Variants in GSTA5 observed in about 807,000 individuals in gnomAD.
GSTA5 encodes glutathione S-transferase A5.
GSTA5 carries 25 observed loss-of-function variants against 21.8 expected under a neutral mutation model. That is an observed-to-expected ratio of 1.14 (90% confidence interval 0.83 to 1.60). The LOEUF (loss-of-function observed/expected upper bound fraction) is 1.60. Ranked by LOEUF, GSTA5 falls within the 40% of genes most tolerant of loss-of-function variation. The pLI, the probability that GSTA5 is intolerant of heterozygous loss-of-function variation, is 0.00. For synonymous variants in GSTA5, 102 were observed against 89.5 expected, an observed-to-expected ratio of 1.14 and a Z score of -0.78; for missense variants, 330 against 259.2, an observed-to-expected ratio of 1.27 and a Z score of -1.88.
chr6:52,832,753 G>A lies in GSTA5; in HGVS notation c.546+106C>T, dbSNP rs1231224469. On this transcript the variant is annotated intron_variant, in intron 5 of 5. Coordinates refer to ENST00000370989, the Ensembl canonical transcript of GSTA5. ...TTTTGGAGACCTTGGGGGCACTGAA[G>A]GGCTGGAGAAGGGTGGGGTCAAAAC... The A allele has an allele frequency of 3.9e-6, 6 of 1,555,018 alleles. No individual in the cohort carries two copies. The African/African-American group carries it at 4.1e-5, about 11-fold the overall frequency.
upstream of GSTA5, among the ~76,000 whole-genome samples, chr6:52,841,909 T>C (rs1179595356): frequency 2.0e-5 from 3 of 152,214 alleles, no homozygotes. Context: ...AATCTTTCAG[T>C]AGATTGTGAA....
At chr6:52,844,615 T>C (rs1162193386), upstream of GSTA5, among the ~76,000 whole-genome samples, 1 of 152,218 alleles carries the variant, frequency 6.6e-6, no homozygotes, top group Non-Finnish European at 1.5e-5. Context: ...AGATAAACCA[T>C]GACTCCTCCC....
rs561920117 is a variant in GSTA5 at position 52,838,041 on chromosome 6, G to A, written c.88-432C>T. Among the ~76,000 whole-genome samples the A allele has an allele frequency of 3.3e-5, 5 of 152,326 alleles. No homozygotes were observed. The East Asian group carries it at 7.7e-4, about 24-fold the overall frequency. ...CCATCAAATATTCTGCCACCAAGGA[G>A]CCTCTGCTATAATTTATATCACCCC... On this transcript the variant is annotated intron_variant, in intron 1 of 5. Coordinates refer to ENST00000370989, the Ensembl canonical transcript of GSTA5.
At chr6:52,838,945 T>G (rs1325972111) in intron 1 of GSTA5, among the ~76,000 whole-genome samples, 1 of 152,214 alleles carries the variant, frequency 6.6e-6, no homozygotes, top group Non-Finnish European at 1.5e-5. Context: ...GTGTTTCCAG[T>G]GGCTAATTAT....
upstream of GSTA5, chr6:52,840,988 A>T: frequency 1.6e-6 from 1 of 606,852 alleles, no homozygotes; most frequent in Non-Finnish European, 2.8e-6. Flanking sequence ...TCTTGGCTCA[A>T]ATTGTTACCC....
intron 1 of GSTA5, among the ~76,000 whole-genome samples, chr6:52,839,311 A>G (rs1322481631): frequency 6.6e-6 from 1 of 152,124 alleles, no homozygotes; most frequent in Non-Finnish European, 1.5e-5. Flanking sequence ...GGTTCCTCCC[A>G]GCCTTGCCCC....
intron 5 of GSTA5, among the ~76,000 whole-genome samples, chr6:52,832,531 C>T (rs1284210032): frequency 6.6e-6 from 1 of 152,010 alleles, no homozygotes; most frequent in Non-Finnish European, 1.5e-5. Context: ...AAGACAAGGG[C>T]ACATGTGGGA....
chr6:52,843,039 A>G (rs145927213), upstream of GSTA5, among the ~76,000 whole-genome samples: 205 of 152,260 alleles, frequency 1.3e-3, no homozygotes, highest in Non-Finnish European at 2.1e-3. Flanking sequence ...ACTGAGAATG[A>G]TGGTTTCCAG....
chr6:52,831,847 A>T lies in GSTA5; in HGVS notation c.*1T>A. The T allele has an allele frequency of 6.2e-7, 1 of 1,614,020 alleles. No homozygotes were observed. The highest frequency in any genetic ancestry group is 8.5e-7 in the Non-Finnish European group (1 of 1,179,972). Reference sequence around the variant, plus strand: ...TGTTCTTGGCCTCCATAGCTGCTTTATTAAAACCTGAAAATCTTCCTTGCT... The same window carrying T: ...TGTTCTTGGCCTCCATAGCTGCTTTTTTAAAACCTGAAAATCTTCCTTGCT... On this transcript the variant is annotated 3_prime_UTR_variant, in exon 6 of 6. Coordinates refer to ENST00000370989, the Ensembl canonical transcript of GSTA5.
intron 1 of GSTA5, among the ~76,000 whole-genome samples, chr6:52,839,280 G>T (rs1211188852): frequency 6.6e-6 from 1 of 152,142 alleles, no homozygotes; most frequent in East Asian, 1.9e-4. Context: ...CAGTCAGGCT[G>T]GATGGAGACC....
upstream of GSTA5, among the ~76,000 whole-genome samples, chr6:52,841,231 T>A (rs1764374169): frequency 1.3e-5 from 2 of 152,228 alleles, no homozygotes; most frequent in Admixed American, 1.3e-4. Flanking sequence ...AATGGTTGTT[T>A]TCTCCAATTT....
upstream of GSTA5, among the ~76,000 whole-genome samples, chr6:52,843,357 C>T (rs1171306510): frequency 6.6e-6 from 1 of 152,180 alleles, no homozygotes; most frequent in Non-Finnish European, 1.5e-5. Flanking sequence ...AACTAATTTA[C>T]ACTCCCACCA....
At chr6:52,843,125 G>C (rs6904891), upstream of GSTA5, among the ~76,000 whole-genome samples, 25,364 of 152,064 alleles carry the variant, frequency 0.17, 4,291 homozygotes, top group African/African-American at 0.43. Context: ...TGTATATGTG[G>C]CACATTTTCT....
At chr6:52,832,079 C>T (rs114703826) in intron 5 of GSTA5, 109 bp from the exon 6 acceptor site, 4 of 1,457,786 alleles carry the variant, frequency 2.7e-6, no homozygotes, top group Admixed American at 2.4e-5. Flanking sequence ...GAGTCCCCTC[C>T]ATGAGTACCA....
intron 1 of GSTA5, among the ~76,000 whole-genome samples, chr6:52,838,503 C>A (rs1764323300): frequency 6.6e-6 from 1 of 152,204 alleles, no homozygotes; most frequent in South Asian, 2.1e-4. Flanking sequence ...TGATCTACAT[C>A]CAGTAACTTA....
chr6:52,837,468 C>T lies in GSTA5; in HGVS notation c.139+90G>A, dbSNP rs527603325. On this transcript the variant is annotated intron_variant, in intron 2 of 5. Coordinates refer to ENST00000370989, the Ensembl canonical transcript of GSTA5. ...TCTCCACCGTGACTAAATATCACCCCCCACACACATAGGTATTCCTGGCTG... is the reference window on the plus strand; with the variant it reads ...TCTCCACCGTGACTAAATATCACCCTCCACACACATAGGTATTCCTGGCTG... 618 of 796,318 alleles carry T rather than the reference C, an allele frequency of 7.8e-4. 1 individual carries two copies. The highest frequency in any genetic ancestry group is 1.1e-3 in the South Asian group (71 of 64,716). 49.3% of individuals were successfully genotyped at this position (796,318 alleles called of 1,614,324 possible). A position where few individuals can be genotyped will look rare whatever the true frequency, so the allele number is the denominator to read the frequency against.
intron 2 of GSTA5, among the ~76,000 whole-genome samples, chr6:52,836,917 T>C (rs1764301693): frequency 6.6e-6 from 1 of 152,226 alleles, no homozygotes; most frequent in South Asian, 2.1e-4. Context: ...CCCCTCCAGA[T>C]ACATAGCAGG....
intron 3 of GSTA5, among the ~76,000 whole-genome samples, chr6:52,835,876 C>T (rs1764285198): frequency 6.6e-6 from 1 of 152,188 alleles, no homozygotes; most frequent in African/African-American, 2.4e-5. Flanking sequence ...TCTACAGACT[C>T]TCAGACATTC....
chr6:52,835,575 T>G (rs1264430029), intron 3 of GSTA5, among the ~76,000 whole-genome samples: 2 of 152,182 alleles, frequency 1.3e-5, no homozygotes, highest in East Asian at 3.8e-4. Context: ...TATGTTAAAG[T>G]TTTTGTGGAG....
Sources: gnomAD v4.1 joint callset for allele counts (sites outside exome capture counted in the v4.1 genomes callset) on GRCh38, gnomAD v4.1.1 for gene constraint, MANE v1.5 for transcripts, NCBI Gene and HGNC (gene_info 2026-07-23, HGNC 2026-07-21) for gene names.